CTIF: variants seen among roughly 807,000 people sequenced by gnomAD.
CTIF encodes the protein cap binding complex dependent translation initiation factor.
Under a neutral mutation model 66.0 loss-of-function variants are expected in CTIF, and 21 were observed. The ratio of observed to expected loss-of-function variants is 0.32; its 90% CI spans 0.23 to 0.46. CTIF has a LOEUF of 0.46. CTIF is among the 20% of genes least tolerant of loss of function. The pLI, the probability that CTIF is intolerant of heterozygous loss-of-function variation, is 1.00. For missense variants in CTIF, 739 were observed against 812.7 expected (o/e 0.91, Z 1.10); for synonymous variants, 345 against 326.4 (o/e 1.06, Z -0.62).
intron 10 of CTIF, among the ~76,000 whole-genome samples, chr18:48,855,372 A>G (rs1041544684): frequency 2.0e-5 from 3 of 152,258 alleles, no homozygotes; most frequent in Non-Finnish European, 2.9e-5. Context: ...CCTACTAGAC[A>G]TAGTTCAAGG....
At chr18:48,779,365 C>T (rs1910996137) in intron 9 of CTIF, among the ~76,000 whole-genome samples, 1 of 152,164 alleles carries the variant, frequency 6.6e-6, no homozygotes, top group Non-Finnish European at 1.5e-5. Context: ...AGGAGGTATA[C>T]GTCAAGTCAC....
At chr18:48,660,632 G>A (rs1338994814) in intron 3 of CTIF, among the ~76,000 whole-genome samples, 1 of 152,176 alleles carries the variant, frequency 6.6e-6, no homozygotes, top group East Asian at 1.9e-4. Flanking sequence ...CAAGGGTAGT[G>A]CCCCCTCCTC....
intron 7 of CTIF, among the ~76,000 whole-genome samples, chr18:48,732,098 C>G (rs2092461757): frequency 6.6e-6 from 1 of 152,216 alleles, no homozygotes; most frequent in African/African-American, 2.4e-5. Context: ...TACCTTACAG[C>G]CGAGGAGACC....
At chr18:48,815,640 C>T (rs983161394) in intron 9 of CTIF, among the ~76,000 whole-genome samples, 1 of 152,212 alleles carries the variant, frequency 6.6e-6, no homozygotes, top group Non-Finnish European at 1.5e-5. Flanking sequence ...CTCAGCCAGC[C>T]CCTGACCTGC....
intron 1 of CTIF, among the ~76,000 whole-genome samples, chr18:48,585,610 T>G (rs2089750279): frequency 6.6e-6 from 1 of 152,212 alleles, no homozygotes; most frequent in African/African-American, 2.4e-5. Flanking sequence ...TGGCGCATCC[T>G]CCAAAACTCT....
chr18:48,699,070 G>C (rs1289604721), intron 6 of CTIF, among the ~76,000 whole-genome samples: 1 of 152,160 alleles, frequency 6.6e-6, no homozygotes, highest in African/African-American at 2.4e-5. Flanking sequence ...CAGACCTGAG[G>C]AGAGAGGTCC....
At chr18:48,770,163 A>G (rs1026768998) in intron 9 of CTIF, among the ~76,000 whole-genome samples, 1 of 152,254 alleles carries the variant, frequency 6.6e-6, no homozygotes, top group African/African-American at 2.4e-5. Context: ...AGTCCTGGAA[A>G]GTGCCCAGAA....
chr18:48,597,368 T>C (rs1410123333), intron 1 of CTIF, among the ~76,000 whole-genome samples: 1 of 152,118 alleles, frequency 6.6e-6, no homozygotes, highest in African/African-American at 2.4e-5. Context: ...TAGTGATATG[T>C]GTTGAATATG....
At chr18:48,722,101 AG>A (rs796395884) in intron 7 of CTIF, among the ~76,000 whole-genome samples, 266 of 152,140 alleles carry the variant, frequency 1.7e-3, no homozygotes, top group African/African-American at 5.8e-3. Context: ...CCTGTCCAGA[AG>A]GTTCTAGAAA....
At chr18:48,543,114 T>A (rs1160764042) in intron 1 of CTIF, among the ~76,000 whole-genome samples, 1 of 152,228 alleles carries the variant, frequency 6.6e-6, no homozygotes, top group Admixed American at 6.5e-5. Flanking sequence ...TCCCAGATAT[T>A]GTCCTCTAAT....
chr18:48,636,857 A>T (rs979640176), intron 3 of CTIF, among the ~76,000 whole-genome samples, 172 bp downstream of exon 3: 2 of 152,194 alleles, frequency 1.3e-5, no homozygotes, highest in Admixed American at 6.5e-5. Context: ...CCCTGCCCAC[A>T]GGGAAGCTCC....
intron 9 of CTIF, among the ~76,000 whole-genome samples, chr18:48,779,429 C>CT: frequency 6.6e-6 from 1 of 152,348 alleles, no homozygotes; most frequent in South Asian, 2.1e-4. Context: ...ACCCCACACT[C>CT]TGTCTCCTCA....
At position 48,855,032 on chromosome 18, in the gene CTIF, C is replaced by T. The variant is rs1220099171; in HGVS notation, c.1528-2556C>T. Among the ~76,000 whole-genome samples, 8 of 152,220 alleles carry T rather than the reference C, an allele frequency of 5.3e-5. No homozygotes were observed. In the South Asian group the frequency reaches 6.2e-4, roughly 12 times the overall value. On this transcript the variant is annotated intron_variant, in intron 10 of 11. Transcript: ENST00000256413. ...CACCGCCCCGGAGCTGCATTTCCACCGCCCTGGAGCAGGGCCTGGTCTGTC... is the reference window on the plus strand; with the variant it reads ...CACCGCCCCGGAGCTGCATTTCCACTGCCCTGGAGCAGGGCCTGGTCTGTC...
chr18:48,685,012 GTTTT>G (rs1216549132), intron 6 of CTIF, among the ~76,000 whole-genome samples: 5 of 138,948 alleles, frequency 3.6e-5, no homozygotes, highest in Admixed American at 7.1e-5. Flanking sequence ...AAAAGTTTTT[GTTTT>G]TTTGTTTGTT....
intron 7 of CTIF, among the ~76,000 whole-genome samples, chr18:48,724,175 C>T (rs193152642): frequency 6.6e-6 from 1 of 152,314 alleles, no homozygotes; most frequent in Admixed American, 6.5e-5. Context: ...TAGGCCTGGA[C>T]AGATGAACAG....
chr18:48,668,943 T>C (rs1432804141), intron 5 of CTIF, among the ~76,000 whole-genome samples: 1 of 151,856 alleles, frequency 6.6e-6, no homozygotes, highest in Non-Finnish European at 1.5e-5. Context: ...CACAGAAGTG[T>C]TTGGTGAATG....
At chr18:48,625,325 A>T (rs890668675) in intron 2 of CTIF, 2 of 499,112 alleles carry the variant, frequency 4.0e-6, no homozygotes, top group African/African-American at 2.1e-5. Flanking sequence ...TCTAAATTAT[A>T]CAAGTACTTT....
chr18:48,744,778 A>G (rs149818902), intron 7 of CTIF, among the ~76,000 whole-genome samples: 2 of 151,672 alleles, frequency 1.3e-5, no homozygotes, highest in East Asian at 3.9e-4. Flanking sequence ...TTCGATTGTC[A>G]TGACTTGTTA....
chr18:48,790,647 A>T (rs1206824007), intron 9 of CTIF, among the ~76,000 whole-genome samples: 3 of 152,208 alleles, frequency 2.0e-5, no homozygotes, highest in Admixed American at 2.0e-4. Context: ...CAGGTCTCTC[A>T]TGGAGGAGCA....
Sources: gnomAD v4.1 joint callset for allele counts (sites outside exome capture counted in the v4.1 genomes callset) on GRCh38, gnomAD v4.1.1 for gene constraint, MANE v1.5 for transcripts, NCBI Gene and HGNC (gene_info 2026-07-23, HGNC 2026-07-21) for gene names.